Variants in LRRC1 observed in about 807,000 individuals in gnomAD.
The protein encoded by LRRC1 is leucine-rich repeat-containing protein 1.
A neutral mutation model predicts 69.9 loss-of-function variants in LRRC1; 28 were observed. The ratio of observed to expected loss-of-function variants is 0.40; its 90% CI spans 0.30 to 0.55. The LOEUF (loss-of-function observed/expected upper bound fraction) is 0.55, where lower values mean the gene tolerates loss of function less well. Ranked by LOEUF, LRRC1 falls within the 20% of genes least tolerant of loss-of-function variation. LRRC1 has a pLI of 0.47. For synonymous variants in LRRC1, 236 were observed against 240.2 expected (o/e 0.98, Z 0.16); for missense variants, 498 against 609.0 (o/e 0.82, Z 1.92).
rs1208592545 is a variant in LRRC1, at chr6:53,857,171, G to A, written c.277+14944G>A. 4.6e-5 allele frequency among the ~76,000 whole-genome samples: 7 copies of A among 152,150 alleles called. 1 individual carries two copies. The highest frequency in any genetic ancestry group is 4.1e-4 in the South Asian group (2 of 4,822). ...CAGGTTTGAGAGTCATCCATCTGTC[G>A]GTGATGGTTCAAGCCACAGGTAGGA... On this transcript the variant is annotated intron_variant, in intron 2 of 13. Coordinates refer to ENST00000370888, the MANE Select transcript of LRRC1 (RefSeq NM_018214.5).
chr6:53,906,174 G>T, intron 10 of LRRC1, among the ~76,000 whole-genome samples: 1 of 152,176 alleles, frequency 6.6e-6, no homozygotes, highest in Non-Finnish European at 1.5e-5. Flanking sequence ...TACGAGTGAG[G>T]AAACGGAGGC....
chr6:53,844,430 T>C (rs986014433), intron 2 of LRRC1, among the ~76,000 whole-genome samples: 5 of 152,212 alleles, frequency 3.3e-5, no homozygotes, highest in African/African-American at 1.2e-4. Flanking sequence ...TTAACTCTAA[T>C]GGGATGCTCC....
At chr6:53,894,552 G>A (rs2127435012) in intron 4 of LRRC1, among the ~76,000 whole-genome samples, 1 of 152,216 alleles carries the variant, frequency 6.6e-6, no homozygotes, top group Middle Eastern at 3.4e-3. Context: ...GAAAGTAGTG[G>A]ATTACCGAAG....
intron 1 of LRRC1, among the ~76,000 whole-genome samples, 181 bp from the exon 2 acceptor site, chr6:53,841,929 A>G (rs1461668832): frequency 6.6e-6 from 1 of 152,182 alleles, no homozygotes; most frequent in Non-Finnish European, 1.5e-5. Context: ...GAGGTTCCTT[A>G]TACCCAGTTT....
intron 1 of LRRC1, among the ~76,000 whole-genome samples, chr6:53,836,786 C>G (rs767185326): frequency 2.6e-5 from 4 of 152,302 alleles, no homozygotes; most frequent in Non-Finnish European, 4.4e-5. Context: ...AAACTTGTAT[C>G]AAATTACATA....
Position 53,882,921 on chromosome 6 carries a change from A to G in LRRC1, c.391A>G (p.Thr131Ala). The G allele has an allele frequency of 6.2e-7, 1 of 1,608,078 alleles. No homozygotes were observed. Among genetic ancestry groups the G allele is most frequent in the Non-Finnish European group, 8.5e-7 (1 of 1,178,486 alleles). Residue 131 changes from threonine to alanine, a missense_variant, in exon 4 of 14, where the codon ACA becomes GCA. Thr to Ala is a moderately conservative substitution (Grantham distance 58). Coordinates refer to ENST00000370888, the MANE Select transcript of LRRC1 (RefSeq NM_018214.5). Reference sequence around the variant, plus strand: ...AAGCTTTCCTGAATTACAGAATTTAACATGTCTTTCTGTAAATGACATCTC... The same window carrying G: ...AAGCTTTCCTGAATTACAGAATTTAGCATGTCTTTCTGTAAATGACATCTC... ...PESFPELQNLTCLSVNDISLQ... is the reference protein window; with the variant it reads ...PESFPELQNLACLSVNDISLQ...
At chr6:53,846,115 C>T (rs1374234688) in intron 2 of LRRC1, among the ~76,000 whole-genome samples, 2 of 152,166 alleles carry the variant, frequency 1.3e-5, no homozygotes, top group Non-Finnish European at 2.9e-5. Context: ...TCTTTAAAGA[C>T]GTTTGTAAAT....
At chr6:53,864,723 G>A (rs1393708173) in intron 2 of LRRC1, among the ~76,000 whole-genome samples, 1 of 152,130 alleles carries the variant, frequency 6.6e-6, no homozygotes, top group Non-Finnish European at 1.5e-5. Context: ...CTCTTCTTGT[G>A]TGGAGTTATA....
Position 53,896,520 on chromosome 6 carries a change from G to A in LRRC1, c.469G>A (p.Glu157Lys). The A allele has an allele frequency of 6.2e-7, 1 of 1,613,272 alleles. No homozygotes were observed. The highest frequency in any genetic ancestry group is 8.5e-7 in the Non-Finnish European group (1 of 1,179,414). The change falls in exon 5 of 14, where the codon GAA (glutamate) becomes AAA (lysine). Residue 157 changes from glutamate (E) to lysine (K), a missense_variant. This residue lies in a region of LRRC1 where 266 missense variants were observed against 383.9 expected (regional missense o/e 0.69). Transcript: ENST00000370888. ...IGNLYNLASL[E>K]LRENLLTYLP... is the part of the protein sequence containing the mutation. ...TAGTCTTTATAACCTGGCTTCACTG[G>A]AACTGAGAGAGAATCTTCTTACATA...
chr6:53,885,919 C>T (rs1767459845), intron 4 of LRRC1, among the ~76,000 whole-genome samples: 1 of 152,104 alleles, frequency 6.6e-6, no homozygotes, highest in African/African-American at 2.4e-5. Context: ...TGTTTTTTTA[C>T]TACTCTACTC....
chr6:53,828,997 T>G (rs1284327327), intron 1 of LRRC1, among the ~76,000 whole-genome samples: 1 of 152,208 alleles, frequency 6.6e-6, no homozygotes, highest in African/African-American at 2.4e-5. Flanking sequence ...CTAACATATA[T>G]TAAGCATTTC....
Position 53,920,653 on chromosome 6 carries a change from G to T in LRRC1, c.1308G>T (p.Glu436Asp), listed in dbSNP as rs752915481. ...QENLPRCGAL[E>D]NLVNDVSDEA... ...ATCTGCCTCGCTGTGGTGCACTGGA[G>T]AACTTGGTAAATGATGTCTCTGATG... Residue 436 changes from glutamate (E) to aspartate (D), a missense_variant, in exon 13 of 14, where the codon GAG (glutamate) becomes GAT (aspartate). By Grantham distance (45) the Glu-to-Asp change is conservative (BLOSUM62 2). Transcript: ENST00000370888. 6.2e-7 allele frequency: 1 copy of T among 1,614,196 alleles called. No homozygotes were observed. The highest frequency in any genetic ancestry group is 8.5e-7 in the Non-Finnish European group (1 of 1,180,026).
chr6:53,813,578 G>A (rs1317610859), intron 1 of LRRC1, among the ~76,000 whole-genome samples: 15 of 112,462 alleles, frequency 1.3e-4, no homozygotes, highest in South Asian at 1.3e-3. Flanking sequence ...CAGTTTTTAC[G>A]TGCAGTTTCC....
intron 1 of LRRC1, among the ~76,000 whole-genome samples, chr6:53,832,822 G>GT (rs1177734996): frequency 6.6e-6 from 1 of 152,022 alleles, no homozygotes; most frequent in Non-Finnish European, 1.5e-5. Flanking sequence ...TTTTAAAACA[G>GT]TTTTTCTCCC....
At chr6:53,870,712 C>G (rs1766854400) in intron 2 of LRRC1, among the ~76,000 whole-genome samples, 1 of 152,140 alleles carries the variant, frequency 6.6e-6, no homozygotes, top group South Asian at 2.1e-4. Context: ...ACCATGCATA[C>G]TGTGGAATGG....
chr6:53,891,737 C>T (rs1767690124), intron 4 of LRRC1, among the ~76,000 whole-genome samples: 3 of 152,008 alleles, frequency 2.0e-5, no homozygotes, highest in South Asian at 4.1e-4. Context: ...AATCCTAGCA[C>T]TTTGGGCAGG....
chr6:53,864,054 C>T (rs995139120), intron 2 of LRRC1, among the ~76,000 whole-genome samples: 8 of 152,052 alleles, frequency 5.3e-5, no homozygotes, highest in Admixed American at 1.3e-4. Flanking sequence ...AATAGTTTGG[C>T]GTTCCCTCAA....
At chr6:53,864,640 C>T (rs1439100456) in intron 2 of LRRC1, among the ~76,000 whole-genome samples, 1 of 152,118 alleles carries the variant, frequency 6.6e-6, no homozygotes, top group Non-Finnish European at 1.5e-5. Flanking sequence ...ATACTTGTGG[C>T]AAAGATTAGA....
chr6:53,899,188 G>A (rs1334796791), intron 7 of LRRC1, among the ~76,000 whole-genome samples: 2 of 152,194 alleles, frequency 1.3e-5, no homozygotes, highest in South Asian at 2.1e-4. Flanking sequence ...CCTTATCCTG[G>A]TAGACTGTTT....
Sources: allele counts gnomAD v4.1 joint callset (sites outside exome capture counted in the v4.1 genomes callset), GRCh38; gene constraint gnomAD v4.1.1; regional missense constraint gnomAD v4.1.1; transcripts MANE v1.5; gene names NCBI Gene and HGNC (gene_info 2026-07-23, HGNC 2026-07-21).